Variants in ERV3-1 observed in about 807,000 individuals in gnomAD.
ERV3-1 encodes the protein endogenous retrovirus group 3 member 1, envelope, also known as endogenous retrovirus group 3 member 1 Env polyprotein.
ERV3-1 carries 36 observed loss-of-function variants against 24.6 expected under a neutral mutation model. That is an observed-to-expected ratio of 1.47 (90% confidence interval 1.12 to 1.94). The LOEUF is 1.94. Ranked by LOEUF, ERV3-1 falls within the 30% of genes most tolerant of loss-of-function variation. The pLI, the probability that ERV3-1 is intolerant of heterozygous loss-of-function variation, is 0.00. For synonymous variants in ERV3-1, 211 were observed against 122.6 expected, an observed-to-expected ratio of 1.72 and a Z score of -4.76; for missense variants, 578 against 330.9, an observed-to-expected ratio of 1.75 and a Z score of -5.79.
In ERV3-1 at chr7:64,990,397, A is replaced by C. The variant is rs1786237332; in HGVS notation, c.*815T>G. 2.7e-5 allele frequency: 5 copies of C among 184,920 alleles called. No individual in the cohort carries two copies. The highest frequency in any genetic ancestry group is 2.2e-4 in the Admixed American group (5 of 23,046). 11.5% of individuals were successfully genotyped at this position (184,920 alleles called of 1,614,324 possible). A position where few individuals can be genotyped will look rare whatever the true frequency, so the allele number is the denominator to read the frequency against. On this transcript the variant is annotated 3_prime_UTR_variant, in exon 2 of 2. Transcript: ENST00000394323. ...GTTTTATTTAGGTGGCCACTGGCCC[A>C]GCGGATTAACATCCAAAGGCTGAGC... is the stretch of plus-strand genomic sequence containing the variant.
At chr7:64,997,164 C>T (rs1485092233) in intron 1 of ERV3-1, among the ~76,000 whole-genome samples, 4 of 152,234 alleles carry the variant, frequency 2.6e-5, no homozygotes, top group East Asian at 3.8e-4. Context: ...CACCCACTCG[C>T]GATGCTAGTT....
In ERV3-1 at chr7:65,006,404, G is replaced by A. The variant is rs138406694; in HGVS notation, c.-389+137C>T. Reference sequence around the variant, plus strand: ...CTATGGCTGAAGGGGACTGAGGGCCGAGCTGCGCCAAGGAGAACTCGGGGC... The same window carrying A: ...CTATGGCTGAAGGGGACTGAGGGCCAAGCTGCGCCAAGGAGAACTCGGGGC... On this transcript the variant is annotated intron_variant, in intron 1 of 1. Transcript: ENST00000394323. 4.9e-4 allele frequency: 676 copies of A among 1,391,962 alleles called. 2 individuals are homozygous for A. Among genetic ancestry groups the A allele is most frequent in the African/African-American group, 4.7e-3 (330 of 70,666 alleles). The allele number at this position is 1,391,962 out of a possible 1,614,324, so 86.2% of individuals were successfully genotyped here. A position where few individuals can be genotyped will look rare whatever the true frequency, so the allele number is the denominator to read the frequency against.
intron 1 of ERV3-1, among the ~76,000 whole-genome samples, chr7:65,003,162 G>C (rs1174644250): frequency 6.6e-6 from 1 of 152,136 alleles, no homozygotes; most frequent in South Asian, 2.1e-4. Flanking sequence ...TGCAGGGAAG[G>C]TTTCCTAGAA....
In ERV3-1 at chr7:65,006,635, G is replaced by A; in HGVS notation, c.-483C>T. 1 of 1,538,164 alleles carries A rather than the reference G, an allele frequency of 6.5e-7. No individual in the cohort carries two copies. The highest frequency in any genetic ancestry group is 2.3e-5 in the East Asian group (1 of 44,320). On this transcript the variant is annotated 5_prime_UTR_variant, in exon 1 of 2. Coordinates refer to ENST00000394323, the MANE Select transcript of ERV3-1 (RefSeq NM_001007253.4). Reference sequence around the variant, plus strand: ...CACAGAAGCTGGGCCTCTAGGAGCAGAAGACACAGAGCAGTGAAGACTACA... The same window carrying A: ...CACAGAAGCTGGGCCTCTAGGAGCAAAAGACACAGAGCAGTGAAGACTACA...
At chr7:65,001,534 A>G (rs1269304570) in intron 1 of ERV3-1, among the ~76,000 whole-genome samples, 2 of 152,186 alleles carry the variant, frequency 1.3e-5, no homozygotes, top group Non-Finnish European at 2.9e-5. Context: ...GAGTGGGTGG[A>G]AATCCTGAGG....
At chr7:64,997,644 A>G (rs951241402) in intron 1 of ERV3-1, among the ~76,000 whole-genome samples, 38 of 152,082 alleles carry the variant, frequency 2.5e-4, no homozygotes, top group African/African-American at 9.2e-4. Context: ...ATATGCCTGG[A>G]CATTAAGTGT....
chr7:65,006,516 G>C (rs984317391), intron 1 of ERV3-1, 25 bp downstream of exon 1: 1 of 1,572,422 alleles, frequency 6.4e-7, no homozygotes, highest in Non-Finnish European at 8.7e-7. Flanking sequence ...CCCCTCTCTC[G>C]GGATGTCGGA....
chr7:64,992,984 G>T lies in ERV3-1; in HGVS notation c.43C>A (p.Leu15Ile). ...TCTCCTTTTAACATGGATAAGGGGA[G>T]TAGCAAGAACAAAGTGATGAGTAGC... is the stretch of plus-strand genomic sequence containing the variant. The part of the protein sequence containing the change: ...NMLLITLFLL[L>I]PLSMLKGEPW... The change falls in exon 2 of 2, where the codon CTC becomes ATC. Residue 15 changes from leucine to isoleucine, a missense_variant. Physicochemically the swap from Leu to Ile is conservative, Grantham distance 5. Coordinates refer to ENST00000394323, the MANE Select transcript of ERV3-1 (RefSeq NM_001007253.4). The T allele has an allele frequency of 5.2e-6, 4 of 765,718 alleles. No individual in the cohort carries two copies. The highest frequency in any genetic ancestry group is 4.0e-5 in the South Asian group (3 of 74,594). 47.4% of individuals were successfully genotyped at this position (765,718 alleles called of 1,614,324 possible). A position where few individuals can be genotyped will look rare whatever the true frequency, so the allele number is the denominator to read the frequency against.
chr7:65,005,790 G>A (rs773465738), intron 1 of ERV3-1, among the ~76,000 whole-genome samples: 25 of 152,160 alleles, frequency 1.6e-4, no homozygotes, highest in Non-Finnish European at 3.2e-4. Context: ...TTAGACTGAG[G>A]TGGCTCCAGT....
chr7:64,998,691 A>T (rs1047460888), intron 1 of ERV3-1, among the ~76,000 whole-genome samples: 1 of 152,138 alleles, frequency 6.6e-6, no homozygotes. Context: ...GACACTTCTT[A>T]GATTTAATGG....
At chr7:64,994,306 C>G (rs537941856) in intron 1 of ERV3-1, among the ~76,000 whole-genome samples, 10 of 152,162 alleles carry the variant, frequency 6.6e-5, no homozygotes, top group Non-Finnish European at 1.5e-4. Flanking sequence ...CCACGAGTTC[C>G]ATGATGCAAT....
chr7:65,006,434 G>A, intron 1 of ERV3-1, 107 bp downstream of exon 1: 2 of 1,502,800 alleles, frequency 1.3e-6, no homozygotes, highest in Non-Finnish European at 1.8e-6. Flanking sequence ...CGGGGCCGCG[G>A]ATTTTGGAGC....
chr7:64,999,986 T>C lies in ERV3-1; in HGVS notation c.-389+6555A>G, dbSNP rs142106907. ...CTTAATTCAACCATTGTGAAAAGAA[T>C]TGTGGCAATGACAGAACTAAAAACA... On this transcript the variant is annotated intron_variant, in intron 1 of 1. Transcript: ENST00000394323. 3.0e-3 allele frequency among the ~76,000 whole-genome samples: 463 copies of C among 152,272 alleles called. 3 individuals carry two copies. The highest frequency in any genetic ancestry group is 0.011 in the African/African-American group (437 of 41,550).
chr7:64,993,070 T>G lies in ERV3-1; in HGVS notation c.-44A>C, dbSNP rs142455677. ...CCTGGGGGGAGAAGGCTAAGCAAAG[T>G]GACAGCTTAATAGCAAAGTAATTAA... On this transcript the variant is annotated 5_prime_UTR_variant, in exon 2 of 2. Transcript: ENST00000394323. 2.8e-5 allele frequency: 19 copies of G among 676,668 alleles called. No homozygotes were observed. The African/African-American group carries it at 3.0e-4, about 11-fold the overall frequency. The allele number at this position is 676,668 out of a possible 1,614,324, so 41.9% of individuals were successfully genotyped here.
chr7:65,000,107 T>A (rs1301957946), intron 1 of ERV3-1, among the ~76,000 whole-genome samples: 1 of 152,196 alleles, frequency 6.6e-6, no homozygotes, highest in Non-Finnish European at 1.5e-5. Flanking sequence ...GCATGTTCAC[T>A]GCAGCACTAC....
intron 1 of ERV3-1, among the ~76,000 whole-genome samples, chr7:65,001,329 T>TC (rs1256451448): frequency 3.3e-5 from 5 of 152,200 alleles, no homozygotes; most frequent in African/African-American, 1.2e-4. Flanking sequence ...TGGTCCAGAA[T>TC]CCTAGATTGG....
intron 1 of ERV3-1, among the ~76,000 whole-genome samples, chr7:65,000,686 G>A (rs1786502526): frequency 2.0e-5 from 3 of 152,204 alleles, no homozygotes; most frequent in Non-Finnish European, 4.4e-5. Flanking sequence ...TTGGGGGGCT[G>A]AGGTAGAAGG....
At chr7:65,002,784 C>G (rs1224912160) in intron 1 of ERV3-1, among the ~76,000 whole-genome samples, 1 of 152,180 alleles carries the variant, frequency 6.6e-6, no homozygotes, top group Non-Finnish European at 1.5e-5. Context: ...GATCTAAAAT[C>G]TGATTTTTTT....
At chr7:65,005,040 A>T (rs1035210055) in intron 1 of ERV3-1, 1 of 153,340 alleles carries the variant, frequency 6.5e-6, no homozygotes, top group African/African-American at 2.4e-5. Flanking sequence ...GACAATCTTA[A>T]CTTCTCTAAG....
Sources: gnomAD v4.1 joint callset for allele counts (sites outside exome capture counted in the v4.1 genomes callset) on GRCh38, gnomAD v4.1.1 for gene constraint, MANE v1.5 for transcripts, NCBI Gene and HGNC (gene_info 2026-07-23, HGNC 2026-07-21) for gene names.